The following VGLL4 variants were observed in gnomAD, a reference collection of about 807,000 sequenced individuals.
VGLL4 encodes the protein vestigial like family member 4.
A neutral mutation model predicts 21.0 loss-of-function variants in VGLL4; 7 were observed. That is an observed-to-expected ratio of 0.33 (90% CI 0.19 to 0.63). The LOEUF is 0.63. VGLL4 is among the 20% of genes least tolerant of loss of function. The pLI is 0.78. For missense variants in VGLL4, 394 were observed against 425.7 expected, an observed-to-expected ratio of 0.93 and a Z score of 0.66; for synonymous variants, 222 against 173.2, an observed-to-expected ratio of 1.28 and a Z score of -2.21.
At chr3:11,627,595 C>CAAAAA (rs57607183) in intron 1 of VGLL4, among the ~76,000 whole-genome samples, 3 of 118,822 alleles carry the variant, frequency 2.5e-5, no homozygotes, top group East Asian at 2.5e-4. Flanking sequence ...AACTTCATCT[C>CAAAAA]AAAAAAAAAA....
At chr3:11,663,705 A>G (rs1436324730) in intron 2 of VGLL4, among the ~76,000 whole-genome samples, 1 of 152,178 alleles carries the variant, frequency 6.6e-6, no homozygotes, top group Non-Finnish European at 1.5e-5. Flanking sequence ...GTGACAGAGC[A>G]AGGCTCCACC....
chr3:11,678,580 T>C lies in VGLL4; in HGVS notation c.64+24391A>G, dbSNP rs144900969. On this transcript the variant is annotated intron_variant, in intron 2 of 5. Coordinates refer to the VGLL4 transcript ENST00000273038. ...CCTAACCCAGGTGAGGAATATAAAG[T>C]CATTCATTATAATATTCTCCCTCAA... is the stretch of plus-strand genomic sequence containing the variant. 2.9e-3 allele frequency among the ~76,000 whole-genome samples: 438 copies of C among 152,270 alleles called. 2 individuals carry two copies. Among genetic ancestry groups the C allele is most frequent in the African/African-American group, 0.01 (421 of 41,552 alleles).
intron 2 of VGLL4, among the ~76,000 whole-genome samples, chr3:11,668,933 C>T (rs775173948): frequency 6.6e-6 from 1 of 152,146 alleles, no homozygotes; most frequent in Non-Finnish European, 1.5e-5. Flanking sequence ...TGCCAGGGTT[C>T]GTGCTGTTTC....
chr3:11,630,428 T>G (rs2075450568), intron 1 of VGLL4, among the ~76,000 whole-genome samples: 1 of 152,168 alleles, frequency 6.6e-6, no homozygotes, highest in African/African-American at 2.4e-5. Context: ...GTGGATCACC[T>G]GAGGTCAGGA....
intron 1 of VGLL4, among the ~76,000 whole-genome samples, chr3:11,607,605 A>G (rs935579494): frequency 1.3e-4 from 20 of 152,238 alleles, no homozygotes; most frequent in African/African-American, 4.6e-4. Context: ...CTCAGTAGAA[A>G]TGTTACCTCT....
intron 1 of VGLL4, among the ~76,000 whole-genome samples, chr3:11,705,325 C>G (rs1459240439): frequency 6.6e-6 from 1 of 152,152 alleles, no homozygotes; most frequent in Admixed American, 6.5e-5. Flanking sequence ...ACCGGAGCCG[C>G]GGGGAGGCAG....
chr3:11,696,334 T>G (rs2125398591), intron 2 of VGLL4, among the ~76,000 whole-genome samples: 1 of 152,326 alleles, frequency 6.6e-6, no homozygotes, highest in South Asian at 2.1e-4. Context: ...GAGTCAGTAC[T>G]CCAGAAAATG....
chr3:11,580,627 T>C (rs1002378152), intron 2 of VGLL4, among the ~76,000 whole-genome samples: 2 of 152,216 alleles, frequency 1.3e-5, no homozygotes, highest in African/African-American at 4.8e-5. Flanking sequence ...CCCTCTCTAC[T>C]AGAGAAAAAT....
chr3:11,704,970 A>G (rs2076738282), intron 1 of VGLL4, among the ~76,000 whole-genome samples: 2 of 152,228 alleles, frequency 1.3e-5, no homozygotes, highest in Admixed American at 1.3e-4. Context: ...CCTCCCCCAG[A>G]AGGGAAGAAC....
rs556580995 is a variant in VGLL4 at position 11,567,494 on chromosome 3, C to A, written c.273-2475G>T. Among the ~76,000 whole-genome samples the A allele has an allele frequency of 1.1e-4, 16 of 152,284 alleles. No homozygotes were observed. In the South Asian group the frequency reaches 3.3e-3, roughly 32 times the overall value. On this transcript the variant is annotated intron_variant, in intron 2 of 4. Coordinates refer to ENST00000430365, the MANE Select transcript of VGLL4 (RefSeq NM_001128219.3). ...ATGGAAGAGAATGTTCTGGCAGAGT[C>A]TAGATAGTAGGTTCCATCCACGCCA... is the stretch of plus-strand genomic sequence containing the variant.
At chr3:11,600,649 C>T (rs2074771155) in intron 2 of VGLL4, among the ~76,000 whole-genome samples, 1 of 152,142 alleles carries the variant, frequency 6.6e-6, no homozygotes, top group Non-Finnish European at 1.5e-5. Flanking sequence ...CTGAACACAA[C>T]AGTCCAAGCT....
Position 11,558,820 on chromosome 3 carries a change from G to A in VGLL4, c.627C>T (p.Thr209=), listed in dbSNP as rs983080420. The change falls in exon 5 of 5, where the codon ACC becomes ACT. Residue 209 remains threonine, a synonymous_variant. Coordinates refer to ENST00000430365, the MANE Select transcript of VGLL4 (RefSeq NM_001128219.3). ...ASYRRPPSAA[T]TCDPVVEEHF... Reference sequence around the variant, plus strand: ...GCTCCTCCACCACGGGGTCACAGGTGGTGGCAGCTGCAGGCAAGCAGGAAG... The same window carrying A: ...GCTCCTCCACCACGGGGTCACAGGTAGTGGCAGCTGCAGGCAAGCAGGAAG... 38 of 1,610,648 alleles carry A rather than the reference G, an allele frequency of 2.4e-5. No individual in the cohort carries two copies. Among genetic ancestry groups the A allele is most frequent in the Non-Finnish European group, 3.2e-5 (38 of 1,177,552 alleles).
rs2075741184 is a variant in VGLL4, at chr3:11,643,765, T to A, written c.-247A>T. ...TGTATGTACTGTATCCCCGATCGAG[T>A]ATGAAAACAGCGTTTCAGAAGTCCT... On this transcript the variant is annotated 5_prime_UTR_variant, in exon 1 of 5. Transcript: ENST00000430365. 13 of 1,215,782 alleles carry A rather than the reference T, an allele frequency of 1.1e-5. No homozygotes were observed. The highest frequency in any genetic ancestry group is 1.3e-5 in the Non-Finnish European group (13 of 974,970). 75.3% of individuals were successfully genotyped at this position (1,215,782 alleles called of 1,614,324 possible). A position where few individuals can be genotyped will look rare whatever the true frequency, so the allele number is the denominator to read the frequency against.
At chr3:11,589,747 C>T (rs1559883475) in intron 2 of VGLL4, among the ~76,000 whole-genome samples, 2 of 152,298 alleles carry the variant, frequency 1.3e-5, no homozygotes, top group East Asian at 1.9e-4. Flanking sequence ...GCGCTTTTCC[C>T]GGCCTAGAGA....
At chr3:11,593,025 A>G (rs2074539256) in intron 2 of VGLL4, among the ~76,000 whole-genome samples, 1 of 152,202 alleles carries the variant, frequency 6.6e-6, no homozygotes, top group Non-Finnish European at 1.5e-5. Context: ...CATGAACACA[A>G]TAACTTGTTT....
chr3:11,586,080 A>G (rs2447617), intron 2 of VGLL4, among the ~76,000 whole-genome samples: 78,471 of 152,078 alleles, frequency 0.52, 22,780 homozygotes, highest in Non-Finnish European at 0.68. Flanking sequence ...GACTAAGTGT[A>G]GTGTGATTCA....
At chr3:11,636,643 G>A (rs2125323878) in intron 1 of VGLL4, among the ~76,000 whole-genome samples, 1 of 152,300 alleles carries the variant, frequency 6.6e-6, no homozygotes, top group Non-Finnish European at 1.5e-5. Flanking sequence ...AATGCAGCAG[G>A]AAAGTCGCTG....
At position 11,637,445 on chromosome 3, in the gene VGLL4, A is replaced by C. The variant is rs141961954; in HGVS notation, c.82+5992T>G. 3.8e-4 allele frequency among the ~76,000 whole-genome samples: 58 copies of C among 152,310 alleles called. No individual in the cohort carries two copies. The East Asian group carries it at 0.01, about 27-fold the overall frequency. ...ATATTTCAGTTTGTCATGTTTACAG[A>C]CTTCTTTGCAAACAAAAGAGTGAAA... On this transcript the variant is annotated intron_variant, in intron 1 of 4. Coordinates refer to ENST00000430365, the MANE Select transcript of VGLL4 (RefSeq NM_001128219.3).
Position 11,667,751 on chromosome 3 carries a change from C to T in VGLL4, c.64+35220G>A, listed in dbSNP as rs2076147342. Among the ~76,000 whole-genome samples the T allele has an allele frequency of 3.4e-5, 5 of 148,988 alleles. No homozygotes were observed. The South Asian group carries it at 1.1e-3, about 33-fold the overall frequency. ...CCCAGTATCATTATCCCTTGGGTTA[C>T]ATTTTCTTTGTTCTACAATTAACAA... On this transcript the variant is annotated intron_variant, in intron 2 of 5. Transcript: ENST00000273038.
Sources: allele counts gnomAD v4.1 joint callset (sites outside exome capture counted in the v4.1 genomes callset), GRCh38; gene constraint gnomAD v4.1.1; transcripts MANE v1.5; gene names NCBI Gene and HGNC (gene_info 2026-07-23, HGNC 2026-07-21).